TRIOBP: variants seen among roughly 807,000 people sequenced by gnomAD.
TRIOBP encodes the protein TRIO and F-actin binding protein.
Under a neutral mutation model 238.8 loss-of-function variants are expected in TRIOBP, and 169 were observed. The observed-to-expected ratio is 0.71, with a 90% confidence interval of 0.62 to 0.80. The LOEUF (loss-of-function observed/expected upper bound fraction) is 0.80, where lower values mean the gene tolerates loss of function less well. Ranked by LOEUF, TRIOBP falls within the 30% of genes least tolerant of loss-of-function variation. TRIOBP has a pLI of 0.00. For synonymous variants in TRIOBP, 1,150 were observed against 1,274.4 expected (o/e 0.90, Z 2.08); for missense variants, 2,838 against 3,122.6 (o/e 0.91, Z 2.17).
At chr22:37,710,312 C>T (rs765089020) in intron 3 of TRIOBP, 115 bp from the exon 4 acceptor site, 6 of 1,480,812 alleles carry the variant, frequency 4.1e-6, no homozygotes, top group Non-Finnish European at 5.5e-6. Flanking sequence ...TTGAGAAGTG[C>T]AGGATCCCCC....
intron 10 of TRIOBP, among the ~76,000 whole-genome samples, chr22:37,739,656 C>A (rs375390895): frequency 6.6e-6 from 1 of 152,190 alleles, no homozygotes; most frequent in Non-Finnish European, 1.5e-5. Context: ...CGATTTCTTG[C>A]GTGGCTTCGA....
intron 9 of TRIOBP, among the ~76,000 whole-genome samples, 199 bp from the exon 10 acceptor site, chr22:37,738,443 T>C (rs532290122): frequency 6.6e-6 from 1 of 152,094 alleles, no homozygotes; most frequent in South Asian, 2.1e-4. Context: ...GAATGGGTGA[T>C]AGACAATGGA....
intron 11 of TRIOBP, chr22:37,750,631 C>T (rs546719565): frequency 1.3e-5 from 6 of 471,140 alleles, no homozygotes; most frequent in Admixed American, 2.3e-5. Context: ...CTGTGTCTCT[C>T]CCTTAGACAG....
At chr22:37,760,753 A>C (rs1451364107) in intron 17 of TRIOBP, among the ~76,000 whole-genome samples, 1 of 152,102 alleles carries the variant, frequency 6.6e-6, no homozygotes, top group East Asian at 1.9e-4. Flanking sequence ...AAGTGGGCAG[A>C]TCACGAGGTC....
At chr22:37,767,185 AG>A (rs1926540676) in intron 18 of TRIOBP, among the ~76,000 whole-genome samples, 1 of 151,982 alleles carries the variant, frequency 6.6e-6, no homozygotes, top group Non-Finnish European at 1.5e-5. Flanking sequence ...TGGGCGGCAA[AG>A]GTTGTAGTGA....
intron 21 of TRIOBP, among the ~76,000 whole-genome samples, chr22:37,770,467 TAAAA>T: frequency 7.2e-6 from 1 of 138,702 alleles, no homozygotes; most frequent in South Asian, 2.4e-4. Context: ...AAAAAAATAT[TAAAA>T]AAAAAAAGCG....
At chr22:37,719,995 CCG>C (rs777613518) in intron 6 of TRIOBP, among the ~76,000 whole-genome samples, 1,445 of 9,524 alleles carry the variant, frequency 0.15, 498 homozygotes, top group South Asian at 0.74. Context: ...TCATCCCCCC[CCG>C]CCCTTTTTTT....
chr22:37,735,384 A>G lies in TRIOBP; in HGVS notation c.5048A>G (p.Gln1683Arg), dbSNP rs761060316. 4.4e-6 allele frequency: 7 copies of G among 1,607,942 alleles called. No individual in the cohort carries two copies. The African/African-American group carries it at 8.0e-5, about 18-fold the overall frequency. Residue 1683 changes from glutamine to arginine, a missense_variant, in exon 9 of 24, where the codon CAG (glutamine) becomes CGG (arginine). By Grantham distance (43) the Gln-to-Arg change is conservative. Coordinates refer to ENST00000644935, the MANE Select transcript of TRIOBP (RefSeq NM_001039141.3). ...PATATLAGLE[Q>R]TGPLGSRSTA... ...ACCGCAACTCTGGCAGGCCTGGAGC[A>G]GACGGGCCCCCTGGGGAGCAGGAGC...
Position 37,725,256 on chromosome 22 carries a change from TAACA to T in TRIOBP, c.2703_2706del (p.Asn901LysfsTer103). 1 of 1,613,994 alleles carries T rather than the reference TAACA, an allele frequency of 6.2e-7. No homozygotes were observed. Among genetic ancestry groups the T allele is most frequent in the Non-Finnish European group, 8.5e-7 (1 of 1,180,018 alleles). The stretch of plus-strand genomic sequence containing the variant: ...CCAGGAATTCATCTCCCCATCGTAC[TAACA>T]AAGACATCCCCTGGGCCTCGTTTCC... On this transcript the variant is annotated frameshift_variant, in exon 7 of 24. Transcript: ENST00000644935. LOFTEE classifies it high-confidence loss of function.
In TRIOBP at chr22:37,757,950, G is replaced by T. The variant is rs1198476359; in HGVS notation, c.6025G>T (p.Gly2009Cys). Residue 2009 changes from glycine to cysteine, a missense_variant, in exon 16 of 24, where the codon GGC (glycine) becomes TGC (cysteine). By Grantham distance (159) the Gly-to-Cys change is radical. This residue lies in a region of TRIOBP where 2,096 missense variants were observed against 2,137.4 expected (regional missense o/e 0.98). Transcript: ENST00000644935. ...EVPAGEGPRR[G>C]LGAPLTEDQQ... is the part of the protein sequence containing the mutation. ...GCCTGCTGGTGAGGGGCCGCGCCGG[G>T]GCCTGGGTGCCCCCCTGACTGAGGA... 6.4e-7 allele frequency: 1 copy of T among 1,565,008 alleles called. No homozygotes were observed. The highest frequency in any genetic ancestry group is 1.9e-5 in the Admixed American group (1 of 52,248).
intron 2 of TRIOBP, among the ~76,000 whole-genome samples, chr22:37,698,354 C>CTTTTTTTTTTT (rs1175913171): frequency 1.7e-5 from 1 of 57,930 alleles, no homozygotes; most frequent in Non-Finnish European, 2.9e-5. Flanking sequence ...CTGCAAGAGC[C>CTTTTTTTTTTT]TTTTTTTTTT....
intron 17 of TRIOBP, among the ~76,000 whole-genome samples, chr22:37,762,295 G>A (rs556721137): frequency 6.6e-6 from 1 of 152,244 alleles, no homozygotes; most frequent in African/African-American, 2.4e-5. Context: ...TGAACTCCTG[G>A]GCTCAAGTGC....
chr22:37,741,650 T>C lies in TRIOBP; in HGVS notation c.5322+618T>C, dbSNP rs549653745. 5.9e-5 allele frequency among the ~76,000 whole-genome samples: 9 copies of C among 152,340 alleles called. No individual in the cohort carries two copies. The South Asian group carries it at 8.3e-4, about 14-fold the overall frequency. ...CTCTCTTACTCACCGCTGTTGGCTCTGAGTCCAGCACTAGGCTGGGCACCT... is the reference window on the plus strand; with the variant it reads ...CTCTCTTACTCACCGCTGTTGGCTCCGAGTCCAGCACTAGGCTGGGCACCT... On this transcript the variant is annotated intron_variant, in intron 11 of 23. Transcript: ENST00000644935.
intron 17 of TRIOBP, 162 bp downstream of exon 17, chr22:37,759,426 G>T (rs201529268): frequency 7.5e-7 from 1 of 1,329,824 alleles, no homozygotes; most frequent in Non-Finnish European, 1.1e-6. Flanking sequence ...GCTGGTGGGC[G>T]TGATCACTGT....
At chr22:37,762,682 G>C (rs1028291593) in intron 17 of TRIOBP, among the ~76,000 whole-genome samples, 2 of 152,196 alleles carry the variant, frequency 1.3e-5, no homozygotes, top group African/African-American at 4.8e-5. Flanking sequence ...GGCAGGTGGA[G>C]GAGTGACCCC....
Position 37,765,676 on chromosome 22 carries a change from T to A in TRIOBP, c.6331T>A (p.Cys2111Ser). Residue 2111 changes from cysteine (C) to serine (S), a missense_variant, in exon 18 of 24, where the codon TGT (cysteine) becomes AGT (serine). Physicochemically the swap from Cys to Ser is moderately radical, Grantham distance 112. Transcript: ENST00000644935. ...CCTGGCGTCCGGCCCACAGGAGGCA[T>A]GTGAGCGCAGCCTGGCAGAGATGGA... is the stretch of plus-strand genomic sequence containing the variant. Reference protein sequence around the residue: ...IPPGYISQEACERSLAEMESS... With the variant: ...IPPGYISQEASERSLAEMESS... 6.5e-7 allele frequency: 1 copy of A among 1,550,280 alleles called. No homozygotes were observed. The highest frequency in any genetic ancestry group is 8.7e-7 in the Non-Finnish European group (1 of 1,147,278).
At chr22:37,742,425 G>A (rs1601644874) in intron 11 of TRIOBP, among the ~76,000 whole-genome samples, 1 of 151,454 alleles carries the variant, frequency 6.6e-6, no homozygotes, top group East Asian at 1.9e-4. Context: ...ACCACACCTG[G>A]CTAATTTTTA....
intron 17 of TRIOBP, 126 bp downstream of exon 17, chr22:37,759,390 G>T: frequency 7.9e-7 from 1 of 1,267,864 alleles, no homozygotes; most frequent in Non-Finnish European, 1.2e-6. Flanking sequence ...CATTTGACAT[G>T]CGTCATCTCA....
intron 9 of TRIOBP, among the ~76,000 whole-genome samples, chr22:37,737,489 G>A (rs8137783): frequency 0.97 from 147,151 of 151,858 alleles, 71,332 homozygotes; most frequent in East Asian, 1. Context: ...GTGGAACCCC[G>A]TCTCTACTAA....
Sources: allele counts gnomAD v4.1 joint callset (sites outside exome capture counted in the v4.1 genomes callset), GRCh38; gene constraint gnomAD v4.1.1; regional missense constraint gnomAD v4.1.1; transcripts MANE v1.5; gene names NCBI Gene and HGNC (gene_info 2026-07-23, HGNC 2026-07-21).